The following BARD1 variants were observed in gnomAD, a reference collection of about 807,000 sequenced individuals.
BARD1 encodes the protein BRCA1-associated RING domain protein 1.
BARD1 carries 73 observed loss-of-function variants against 77.0 expected under a neutral mutation model. That is an observed-to-expected ratio of 0.95 (90% CI 0.79 to 1.15). BARD1 has a LOEUF of 1.15. BARD1 is among the 50% of genes most tolerant of loss of function. The pLI is 0.00. For synonymous variants in BARD1, 384 were observed against 338.0 expected, an observed-to-expected ratio of 1.14 and a Z score of -1.49; for missense variants, 993 against 938.8, an observed-to-expected ratio of 1.06 and a Z score of -0.75.
At chr2:214,771,455 C>T (rs1694484471) in intron 4 of BARD1, among the ~76,000 whole-genome samples, 1 of 151,814 alleles carries the variant, frequency 6.6e-6, no homozygotes, top group Non-Finnish European at 1.5e-5. Flanking sequence ...GCTGGCCAGA[C>T]GTGGTGGCTC....
chr2:214,753,623 G>C (rs1177146360), intron 6 of BARD1, among the ~76,000 whole-genome samples: 2 of 152,064 alleles, frequency 1.3e-5, no homozygotes, highest in Admixed American at 1.3e-4. Flanking sequence ...GTGAAAGGTA[G>C]AAAAATGCCA....
chr2:214,750,169 CTCTT>C (rs1553615884), intron 7 of BARD1, among the ~76,000 whole-genome samples: 2 of 152,072 alleles, frequency 1.3e-5, no homozygotes, highest in Non-Finnish European at 2.9e-5. Flanking sequence ...CTCTCTAAAA[CTCTT>C]CTTCTTCTCT....
At chr2:214,801,440 A>G (rs1696014627) in intron 1 of BARD1, among the ~76,000 whole-genome samples, 1 of 152,178 alleles carries the variant, frequency 6.6e-6, no homozygotes, top group Non-Finnish European at 1.5e-5. Context: ...ATGGCCATAT[A>G]CTGTGTTATT....
chr2:214,747,560 C>T (rs1042036737), intron 7 of BARD1, among the ~76,000 whole-genome samples: 1 of 151,364 alleles, frequency 6.6e-6, no homozygotes, highest in African/African-American at 2.4e-5. Flanking sequence ...TTTGTAGGGA[C>T]ATGGATGAAA....
chr2:214,804,771 A>C (rs1383113503), intron 1 of BARD1, among the ~76,000 whole-genome samples: 1 of 152,176 alleles, frequency 6.6e-6, no homozygotes, highest in Non-Finnish European at 1.5e-5. Flanking sequence ...TGTTCACCTG[A>C]CCCAGTCCCC....
At chr2:214,777,454 C>T (rs943923785) in intron 4 of BARD1, among the ~76,000 whole-genome samples, 2 of 152,176 alleles carry the variant, frequency 1.3e-5, no homozygotes, top group Non-Finnish European at 2.9e-5. Flanking sequence ...GGTGCATACA[C>T]CAAGGATGCT....
chr2:214,729,141 G>C, intron 10 of BARD1, 133 bp from the exon 11 acceptor site: 1 of 1,152,898 alleles, frequency 8.7e-7, no homozygotes, highest in Non-Finnish European at 1.2e-6. Flanking sequence ...AAGCATTTCA[G>C]ATTCATAAAT....
At chr2:214,734,670 T>C (rs953490579) in intron 9 of BARD1, among the ~76,000 whole-genome samples, 9 of 152,108 alleles carry the variant, frequency 5.9e-5, no homozygotes, top group Admixed American at 2.0e-4. Context: ...GCCTAACCAA[T>C]CCAATGCTAA....
intron 4 of BARD1, among the ~76,000 whole-genome samples, chr2:214,780,179 A>G (rs1177499541): frequency 6.6e-6 from 1 of 152,178 alleles, no homozygotes; most frequent in African/African-American, 2.4e-5. Flanking sequence ...GATGGTAAAT[A>G]TGGGCTTTTT....
intron 3 of BARD1, among the ~76,000 whole-genome samples, chr2:214,788,135 A>G (rs181531169): frequency 6.6e-6 from 1 of 152,008 alleles, no homozygotes; most frequent in South Asian, 2.1e-4. Flanking sequence ...TCTCTCTCTA[A>G]AGCAGAAAAT....
At chr2:214,755,259 C>T (rs1262972178) in intron 6 of BARD1, among the ~76,000 whole-genome samples, 1 of 152,140 alleles carries the variant, frequency 6.6e-6, no homozygotes, top group Non-Finnish European at 1.5e-5. Flanking sequence ...GGGAAGAAGA[C>T]TCTTTTTTAG....
rs1387450000 is a variant in BARD1, at chr2:214,781,483, T to C, written c.391A>G (p.Ser131Gly). ...SDLKEDKPRK[S>G]LFNDAGNKKN... is the part of the protein sequence containing the mutation. Reference sequence around the variant, plus strand: ...TTGTTTCCTGCATCATTAAACAAACTTTTCCTAGGTTTATCTTCTTTCAAA... The same window carrying C: ...TTGTTTCCTGCATCATTAAACAAACCTTTCCTAGGTTTATCTTCTTTCAAA... Residue 131 changes from serine (S) to glycine (G), a missense_variant, in exon 4 of 11, where the codon AGT becomes GGT. Ser to Gly is a moderately conservative substitution (Grantham distance 56). Coordinates refer to ENST00000260947, the MANE Select transcript of BARD1 (RefSeq NM_000465.4). The C allele has an allele frequency of 6.2e-7, 1 of 1,611,360 alleles. No homozygotes were observed. The highest frequency in any genetic ancestry group is 8.5e-7 in the Non-Finnish European group (1 of 1,179,240).
intron 6 of BARD1, among the ~76,000 whole-genome samples, chr2:214,760,721 C>G (rs1693914985): frequency 6.6e-6 from 1 of 151,852 alleles, no homozygotes; most frequent in South Asian, 2.1e-4. Context: ...ATCAAAATCA[C>G]AGCCTCAGAT....
intron 2 of BARD1, among the ~76,000 whole-genome samples, chr2:214,795,088 T>C (rs1695700746): frequency 6.6e-6 from 1 of 152,112 alleles, no homozygotes; most frequent in Non-Finnish European, 1.5e-5. Context: ...ACCTATTGTA[T>C]ACAGTGAGCA....
chr2:214,775,683 A>G (rs1459095469), intron 4 of BARD1, among the ~76,000 whole-genome samples: 1 of 152,204 alleles, frequency 6.6e-6, no homozygotes. Context: ...AAAAAAGTGA[A>G]GTGCAATTAA....
At chr2:214,782,563 G>A (rs891441953) in intron 3 of BARD1, among the ~76,000 whole-genome samples, 1 of 151,880 alleles carries the variant, frequency 6.6e-6, no homozygotes, top group Non-Finnish European at 1.5e-5. Flanking sequence ...ATTGAGGGTA[G>A]ACAGAATATA....
intron 4 of BARD1, among the ~76,000 whole-genome samples, chr2:214,772,970 T>A (rs1024225151): frequency 1.3e-5 from 2 of 152,172 alleles, no homozygotes; most frequent in Non-Finnish European, 2.9e-5. Flanking sequence ...CAAACATAAT[T>A]TATCTAAGGA....
At chr2:214,756,207 G>A (rs1463202492) in intron 6 of BARD1, among the ~76,000 whole-genome samples, 3 of 152,086 alleles carry the variant, frequency 2.0e-5, no homozygotes, top group African/African-American at 7.2e-5. Flanking sequence ...TAGTGATTGA[G>A]TCCTCACCAG....
chr2:214,742,024 A>G (rs1303049235), intron 9 of BARD1, among the ~76,000 whole-genome samples: 1 of 152,198 alleles, frequency 6.6e-6, no homozygotes, highest in Non-Finnish European at 1.5e-5. Flanking sequence ...TTGGTTTATG[A>G]GAAATCCCAT....
Sources: gnomAD v4.1 joint callset for allele counts (sites outside exome capture counted in the v4.1 genomes callset) on GRCh38, gnomAD v4.1.1 for gene constraint, MANE v1.5 for transcripts, NCBI Gene and HGNC (gene_info 2026-07-23, HGNC 2026-07-21) for gene names.